DENND4C: variants seen among roughly 807,000 people sequenced by gnomAD.
The protein encoded by DENND4C is DENN domain containing 4C.
A neutral mutation model predicts 203.0 loss-of-function variants in DENND4C; 108 were observed. The ratio of observed to expected loss-of-function variants is 0.53; its 90% CI spans 0.46 to 0.62. DENND4C has a LOEUF of 0.62. Among genes scored for constraint, DENND4C ranks in the 20% least tolerant of loss-of-function variants. The probability of loss-of-function intolerance (pLI) is 0.00; values close to 1 mark genes in which losing one functional copy is unlikely to be tolerated. For missense variants in DENND4C, 2,481 were observed against 2,301.2 expected (o/e 1.08, Z -1.60); for synonymous variants, 871 against 792.4 (o/e 1.10, Z -1.67).
chr9:19,242,094 C>G (rs190934904), intron 1 of DENND4C, among the ~76,000 whole-genome samples: 14 of 152,234 alleles, frequency 9.2e-5, no homozygotes, highest in Admixed American at 7.2e-4. Flanking sequence ...CTGCCTTTCC[C>G]CAAGCCCTTG....
intron 12 of DENND4C, among the ~76,000 whole-genome samples, chr9:19,319,352 T>TA (rs1842429407): frequency 3.7e-5 from 5 of 135,936 alleles, no homozygotes; most frequent in African/African-American, 8.4e-5. Flanking sequence ...ATATATATAC[T>TA]TATATATACA....
At chr9:19,341,158 T>C in intron 21 of DENND4C, 44 bp downstream of exon 21, 1 of 1,437,998 alleles carries the variant, frequency 7.0e-7, no homozygotes, top group East Asian at 2.4e-5. Flanking sequence ...ATAATACCTG[T>C]ATTATTAATA....
chr9:19,235,621 T>G (rs1821763497), intron 1 of DENND4C, among the ~76,000 whole-genome samples: 1 of 148,012 alleles, frequency 6.8e-6, no homozygotes, highest in Admixed American at 6.7e-5. Context: ...TTTTTTTTTT[T>G]TTTTTTTGAG....
intron 1 of DENND4C, among the ~76,000 whole-genome samples, chr9:19,237,209 A>T (rs767150232): frequency 6.7e-6 from 1 of 149,750 alleles, no homozygotes; most frequent in African/African-American, 2.5e-5. Flanking sequence ...TTTAGTAGAG[A>T]TGGGGTTTCA....
At chr9:19,257,046 G>T (rs189972293) in intron 1 of DENND4C, among the ~76,000 whole-genome samples, 2 of 151,474 alleles carry the variant, frequency 1.3e-5, no homozygotes, top group African/African-American at 4.8e-5. Context: ...CTCCAGCCTG[G>T]GCGACAGAGT....
intron 20 of DENND4C, 65 bp from the exon 21 acceptor site, chr9:19,340,927 A>G (rs1821476044): frequency 7.1e-7 from 1 of 1,414,794 alleles, no homozygotes; most frequent in South Asian, 1.6e-5. Context: ...TTTTCTTGTG[A>G]TTTTTATATA....
At chr9:19,335,219 AATAATTTT>A in intron 18 of DENND4C, 114 bp downstream of exon 18, 1 of 584,518 alleles carries the variant, frequency 1.7e-6, no homozygotes, top group Admixed American at 4.3e-5. Flanking sequence ...ATAATTTTTT[AATAATTTT>A]TATAATTATT....
Position 19,271,507 on chromosome 9 carries a change from G to C in DENND4C, c.-17-4651G>C, listed in dbSNP as rs1034758860. On this transcript the variant is annotated intron_variant, in intron 1 of 32. Transcript: ENST00000434457. ...GTGAGCTACCGCCTCTGGCCAGTAAGTGGATTCTAAATTGCTTATTGAAAT... is the reference window on the plus strand; with the variant it reads ...GTGAGCTACCGCCTCTGGCCAGTAACTGGATTCTAAATTGCTTATTGAAAT... Among the ~76,000 whole-genome samples the C allele has an allele frequency of 6.6e-5, 10 of 152,234 alleles. No individual in the cohort carries two copies. In the South Asian group the frequency reaches 1.7e-3, roughly 25 times the overall value.
intron 10 of DENND4C, among the ~76,000 whole-genome samples, chr9:19,307,462 A>G (rs945404227): frequency 6.6e-5 from 10 of 151,198 alleles, no homozygotes; most frequent in African/African-American, 2.4e-4. Flanking sequence ...ACTTGTATCT[A>G]TTCACCACAA....
chr9:19,336,331 T>A lies in DENND4C; in HGVS notation c.2651T>A (p.Val884Glu). ...AGTGGTATTTTCTTATGGACGAAGG[T>A]ACGGAATGTGGTACGTGGCTTGGCA... ...TRSGIFLWTK[V>E]RNVVRGLAQF... Residue 884 changes from valine (V) to glutamate (E), a missense_variant, in exon 19 of 33, where the codon GTA becomes GAA. Val to Glu is a moderately radical substitution (Grantham distance 121). Around this residue, in one of 3 missense-constraint regions of DENND4C, gnomAD observed 2,289 missense variants for 2,113.3 expected, o/e 1.08. Coordinates refer to ENST00000434457, the MANE Select transcript of DENND4C (RefSeq NM_001330640.2). 1 of 1,614,060 alleles carries A rather than the reference T, an allele frequency of 6.2e-7. No homozygotes were observed. The highest frequency in any genetic ancestry group is 8.5e-7 in the Non-Finnish European group (1 of 1,179,984).
chr9:19,282,713 C>CTT (rs1203688539), intron 2 of DENND4C, among the ~76,000 whole-genome samples: 4 of 71,562 alleles, frequency 5.6e-5, no homozygotes, highest in South Asian at 1.5e-3. Flanking sequence ...TTTTTCTTCT[C>CTT]TCTTTTTTTT....
chr9:19,320,773 A>G (rs1842751436), intron 12 of DENND4C, among the ~76,000 whole-genome samples: 1 of 152,072 alleles, frequency 6.6e-6, no homozygotes, highest in Admixed American at 6.6e-5. Context: ...TGTTACCCTC[A>G]CTCATTCATT....
At position 19,353,367 on chromosome 9, in the gene DENND4C, A is replaced by C. The variant is rs1010924051; in HGVS notation, c.4781+702A>C. On this transcript the variant is annotated intron_variant, in intron 26 of 32. Transcript: ENST00000434457. ...TACACTGCCAGGTGTGGTGGCTCAC[A>C]CCTTAATCCTAGCACTTTGGGAGGC... 2.6e-5 allele frequency among the ~76,000 whole-genome samples: 4 copies of C among 151,876 alleles called. No homozygotes were observed. In the East Asian group the frequency reaches 5.9e-4, roughly 22 times the overall value.
At chr9:19,251,604 C>T (rs1053479339) in intron 1 of DENND4C, among the ~76,000 whole-genome samples, 6 of 152,176 alleles carry the variant, frequency 3.9e-5, no homozygotes, top group Non-Finnish European at 7.4e-5. Context: ...TGCTCTGCTT[C>T]CCCTGTAAAA....
rs1256682569 is a variant in DENND4C at position 19,273,120 on chromosome 9, TTTG to T, written c.-17-3033_-17-3031del. ...CCCGCCGCCACCATGCCAGGCTAATTTTGTTGTATTTTTAGTAGAGACAGAGTT... is the reference window on the plus strand; with the variant it reads ...CCCGCCGCCACCATGCCAGGCTAATTTTGTATTTTTAGTAGAGACAGAGTT... On this transcript the variant is annotated intron_variant, in intron 1 of 32. Transcript: ENST00000434457. 2.0e-5 allele frequency among the ~76,000 whole-genome samples: 3 copies of T among 151,566 alleles called. 1 individual carries two copies. The highest frequency in any genetic ancestry group is 7.3e-5 in the African/African-American group (3 of 41,030).
At chr9:19,239,643 T>G in intron 1 of DENND4C, among the ~76,000 whole-genome samples, 1 of 151,990 alleles carries the variant, frequency 6.6e-6, no homozygotes, top group Admixed American at 6.6e-5. Context: ...CACACCACCA[T>G]GCCCGGCTAA....
chr9:19,282,602 G>C (rs1311711724), intron 2 of DENND4C, among the ~76,000 whole-genome samples: 1 of 149,502 alleles, frequency 6.7e-6, no homozygotes, highest in African/African-American at 2.4e-5. Flanking sequence ...TGTTGCCCAG[G>C]CTGGCATTGC....
chr9:19,268,134 C>G (rs2130782909), intron 1 of DENND4C, among the ~76,000 whole-genome samples: 1 of 147,338 alleles, frequency 6.8e-6, no homozygotes, highest in Non-Finnish European at 1.5e-5. Flanking sequence ...GAGTCTTATT[C>G]TGTCGCCCAT....
rs937697950 is a variant in DENND4C at position 19,322,211 on chromosome 9, A to G, written c.1808-2151A>G. Among the ~76,000 whole-genome samples, 24 of 152,330 alleles carry G rather than the reference A, an allele frequency of 1.6e-4. 2 individuals carry two copies. The highest frequency in any genetic ancestry group is 4.6e-4 in the Admixed American group (7 of 15,302). ...AGGGTTGTTGGTGAGGGATGAAGGT[A>G]TAAGTGCTTCTGATCTGCCTAGTTG... On this transcript the variant is annotated intron_variant, in intron 12 of 32. Coordinates refer to ENST00000434457, the MANE Select transcript of DENND4C (RefSeq NM_001330640.2).
Sources: allele counts gnomAD v4.1 joint callset (sites outside exome capture counted in the v4.1 genomes callset), GRCh38; gene constraint gnomAD v4.1.1; regional missense constraint gnomAD v4.1.1; transcripts MANE v1.5; gene names NCBI Gene and HGNC (gene_info 2026-07-23, HGNC 2026-07-21).